Variants in BTN3A3 observed in about 807,000 individuals in gnomAD.
The protein encoded by BTN3A3 is butyrophilin subfamily 3 member A3.
A neutral mutation model predicts 43.2 loss-of-function variants in BTN3A3; 39 were observed. That is an observed-to-expected ratio of 0.90 (90% CI 0.70 to 1.18). The LOEUF is 1.18. Ranked by LOEUF, BTN3A3 falls within the 50% of genes most tolerant of loss-of-function variation. The pLI is 0.00. For synonymous variants in BTN3A3, 255 were observed against 272.7 expected (o/e 0.93, Z 0.64); for missense variants, 631 against 722.8 (o/e 0.87, Z 1.46).
At chr6:26,450,060 G>C (rs553434795) in intron 9 of BTN3A3, 47 bp from the exon 10 acceptor site, 2 of 1,597,330 alleles carry the variant, frequency 1.3e-6, no homozygotes, top group African/African-American at 1.3e-5. Context: ...GTGGAGAAAA[G>C]AACAAAAATA....
rs1353732292 is a variant in BTN3A3, at chr6:26,448,359, A to G, written c.827A>G (p.Glu276Gly). The G allele has an allele frequency of 1.2e-6, 2 of 1,613,930 alleles. No individual in the cohort carries two copies. The highest frequency in any genetic ancestry group is 1.3e-5 in the African/African-American group (1 of 74,956). ...ASYFLWRQQK[E>G]KIALSRETER... The stretch of plus-strand genomic sequence containing the variant: ...TACTTCTTGTGGAGACAACAGAAGG[A>G]AAAAATTGCTCTGTCCAGGGAGACA... Residue 276 changes from glutamate to glycine, a missense_variant, in exon 6 of 11, where the codon GAA (glutamate) becomes GGA (glycine). Coordinates refer to ENST00000244519, the MANE Select transcript of BTN3A3 (RefSeq NM_006994.5).
rs1056290884 is a variant in BTN3A3 at position 26,449,681 on chromosome 6, C to T, written c.984C>T (p.Ala328=). The T allele has an allele frequency of 3.7e-6, 6 of 1,614,204 alleles. No individual in the cohort carries two copies. In the Admixed American group the frequency reaches 6.7e-5, roughly 18 times the overall value. The stretch of plus-strand genomic sequence containing the variant: ...TTGTAGGTGGAGAGAAGTCTTTGGC[C>T]TATCATGGTGAGTGAGCCTGATGCT... The part of the protein sequence containing the change: ...QYMARGEKSL[A]YHEWKMALFK... Residue 328 remains alanine (A), a synonymous_variant, in exon 9 of 11, where the codon GCC becomes GCT. Transcript: ENST00000244519.
At chr6:26,449,986 A>C (rs1762885796) in intron 9 of BTN3A3, 121 bp from the exon 10 acceptor site, 1 of 1,197,534 alleles carries the variant, frequency 8.4e-7, no homozygotes, top group African/African-American at 1.5e-5. Context: ...TAGAGGAAGG[A>C]AGCTGAAGCC....
At position 26,448,457 on chromosome 6, in the gene BTN3A3, C is replaced by A. The variant is rs771985410; in HGVS notation, c.916+9C>A. The A allele has an allele frequency of 1.2e-6, 2 of 1,611,434 alleles. No individual in the cohort carries two copies. Among genetic ancestry groups the A allele is most frequent in the Non-Finnish European group, 8.5e-7 (1 of 1,178,668 alleles). ...AGAAATAAGCCTAAGAGGTATCCAA[C>A]GCAAGCAGAGAATCTAAGCCCCTGG... On this transcript the variant is annotated intron_variant, in intron 6 of 10. Transcript: ENST00000244519.
chr6:26,452,169 G>A lies in BTN3A3; in HGVS notation c.1513G>A (p.Glu505Lys), dbSNP rs757109879. The A allele has an allele frequency of 1.2e-6, 2 of 1,614,014 alleles. No individual in the cohort carries two copies. Among genetic ancestry groups the A allele is most frequent in the Non-Finnish European group, 8.5e-7 (1 of 1,180,006 alleles). Residue 505 changes from glutamate to lysine, a missense_variant, in exon 11 of 11, where the codon GAG (glutamate) becomes AAG (lysine). Around this residue, in one of 2 missense-constraint regions of BTN3A3, gnomAD observed 551 missense variants for 584.0 expected, o/e 0.94. Transcript: ENST00000244519. The part of the protein sequence containing the change: ...LYPVFRILTL[E>K]PTALTICPIP... ...TCCTGTTTTCAGAATTTTGACCTTG[G>A]AGCCCACTGCCCTGACCATTTGCCC...
chr6:26,445,763 G>C lies in BTN3A3; in HGVS notation c.493G>C (p.Glu165Gln), dbSNP rs1224372412. The change falls in exon 5 of 11, where the codon GAG becomes CAG. Residue 165 changes from glutamate to glutamine, a missense_variant. Physicochemically the swap from Glu to Gln is conservative, Grantham distance 29. Transcript: ENST00000244519. ...TTATGAGGATGGAGGGATCCATCTG[G>C]AGTGCAGGTCCACTGGCTGGTACCC... is the stretch of plus-strand genomic sequence containing the variant. ...KGYEDGGIHL[E>Q]CRSTGWYPQP... 6.2e-7 allele frequency: 1 copy of C among 1,614,186 alleles called. No individual in the cohort carries two copies. The highest frequency in any genetic ancestry group is 8.5e-7 in the Non-Finnish European group (1 of 1,180,026).
Position 26,443,978 on chromosome 6 carries a change from C to T in BTN3A3, c.107C>T (p.Pro36Leu). The T allele has an allele frequency of 6.2e-7, 1 of 1,613,878 alleles. No homozygotes were observed. The highest frequency in any genetic ancestry group is 8.5e-7 in the Non-Finnish European group (1 of 1,179,828). Residue 36 changes from proline to leucine, a missense_variant, in exon 4 of 11, where the codon CCC (proline) becomes CTC (leucine). This residue lies in a region of BTN3A3 where 80 missense variants were observed against 138.7 expected (regional missense o/e 0.58). Coordinates refer to ENST00000244519, the MANE Select transcript of BTN3A3 (RefSeq NM_006994.5). ...ACAGCTCAGTTTTCTGTGCTTGGAC[C>T]CTCTGGGCCCATCCTGGCCATGGTG... ...PCSAQFSVLG[P>L]SGPILAMVGE... is the part of the protein sequence containing the mutation.
At position 26,443,644 on chromosome 6, in the gene BTN3A3, C is replaced by T; in HGVS notation, c.70C>T (p.Leu24Phe). ...TGTCTCCCTCTTCTTGGTCCAGCTG[C>T]TCACTCCTTGCTCAGGTAGGGAATG... ...FHVSLFLVQL[L>F]TPCSAQFSVL... The change falls in exon 3 of 11, where the codon CTC becomes TTC. Residue 24 changes from leucine to phenylalanine, a missense_variant. This residue lies in a region of BTN3A3 where 80 missense variants were observed against 138.7 expected (regional missense o/e 0.58). Coordinates refer to ENST00000244519, the MANE Select transcript of BTN3A3 (RefSeq NM_006994.5). 6.2e-7 allele frequency: 1 copy of T among 1,614,220 alleles called. No individual in the cohort carries two copies. The highest frequency in any genetic ancestry group is 1.1e-5 in the South Asian group (1 of 91,088).
rs769944320 is a variant in BTN3A3, at chr6:26,446,122, C to T, written c.715+137C>T. On this transcript the variant is annotated intron_variant, in intron 5 of 10. Transcript: ENST00000244519. ...ATGCATGTAAGGCTCAAAGCAGGGA[C>T]CTGAAGGCTACTCACTGCTTTAGGG... 5 of 1,398,780 alleles carry T rather than the reference C, an allele frequency of 3.6e-6. No individual in the cohort carries two copies. The Admixed American group carries it at 6.8e-5, about 19-fold the overall frequency. The allele number at this position is 1,398,780 out of a possible 1,614,324, so 86.6% of individuals were successfully genotyped here.
Position 26,451,797 on chromosome 6 carries a change from C to T in BTN3A3, c.1141C>T (p.Arg381Cys), listed in dbSNP as rs200026955. ...LPDNPERFEW[R>C]YCVLGCENFT... ...AGACAACCCTGAGAGATTTGAATGG[C>T]GTTACTGTGTCCTTGGCTGTGAAAA... Residue 381 changes from arginine (R) to cysteine (C), a missense_variant, in exon 11 of 11, where the codon CGT becomes TGT. Arg to Cys is a radical substitution (Grantham distance 180, BLOSUM62 -3). This residue lies in a region of BTN3A3 where 551 missense variants were observed against 584.0 expected (regional missense o/e 0.94). Coordinates refer to ENST00000244519, the MANE Select transcript of BTN3A3 (RefSeq NM_006994.5). The T allele has an allele frequency of 1.3e-4, 204 of 1,613,990 alleles. No homozygotes were observed. In the Admixed American group the frequency reaches 1.5e-3, roughly 12 times the overall value.
chr6:26,447,741 G>A (rs1284999441), intron 5 of BTN3A3, among the ~76,000 whole-genome samples: 1 of 152,006 alleles, frequency 6.6e-6, no homozygotes, highest in Non-Finnish European at 1.5e-5. Flanking sequence ...TATAGATTAG[G>A]CCACTACAAA....
chr6:26,448,841 G>C (rs1762853726), intron 8 of BTN3A3, 87 bp downstream of exon 8: 4 of 1,548,538 alleles, frequency 2.6e-6, no homozygotes, highest in East Asian at 2.2e-5. Flanking sequence ...ATAAGTCTTT[G>C]CCCAGGGTTG....
At position 26,448,629 on chromosome 6, in the gene BTN3A3, A is replaced by C; in HGVS notation, c.929A>C (p.Glu310Ala). 3 of 1,613,808 alleles carry C rather than the reference A, an allele frequency of 1.9e-6. No homozygotes were observed. Among genetic ancestry groups the C allele is most frequent in the Non-Finnish European group, 2.5e-6 (3 of 1,179,968 alleles). ...QEISLREKLQ[E>A]ELKWRKIQYM... ...GCTTATTTTCCAGAGAAGCTCCAGG[A>C]GGAACTCAGTAAGTTCCCATTCCCC... The change falls in exon 7 of 11, where the codon GAG becomes GCG. Residue 310 changes from glutamate to alanine, a missense_variant. Glu to Ala is a moderately radical substitution (Grantham distance 107, BLOSUM62 -1). Transcript: ENST00000244519.
At chr6:26,444,860 G>C (rs1317041616) in intron 4 of BTN3A3, 1 of 192,236 alleles carries the variant, frequency 5.2e-6, no homozygotes, top group Non-Finnish European at 1.1e-5. Flanking sequence ...TTGGGCTTGT[G>C]TTAGGGGATT....
intron 4 of BTN3A3, chr6:26,444,515 A>C: frequency 1.3e-6 from 1 of 748,900 alleles, no homozygotes; most frequent in Non-Finnish European, 2.1e-6. Context: ...GAAGTAAACA[A>C]CTCCCTCCCT....
In BTN3A3 at chr6:26,451,802, C is replaced by G; in HGVS notation, c.1146C>G (p.Tyr382Ter). The G allele has an allele frequency of 6.2e-7, 1 of 1,614,042 alleles. No homozygotes were observed. The highest frequency in any genetic ancestry group is 8.5e-7 in the Non-Finnish European group (1 of 1,179,912). ...ACCCTGAGAGATTTGAATGGCGTTA[C>G]TGTGTCCTTGGCTGTGAAAACTTCA... is the stretch of plus-strand genomic sequence containing the variant. Reference protein sequence around the residue: ...PDNPERFEWRYCVLGCENFTS... With the variant: ...PDNPERFEWR Residue 382 changes from tyrosine to a stop codon, truncating the protein, a stop_gained, in exon 11 of 11, where the codon TAC becomes TAG. Coordinates refer to ENST00000244519, the MANE Select transcript of BTN3A3 (RefSeq NM_006994.5). LOFTEE classifies it low-confidence loss of function (END_TRUNC).
intron 5 of BTN3A3, among the ~76,000 whole-genome samples, chr6:26,447,751 A>T (rs781206672): frequency 6.6e-6 from 1 of 152,150 alleles, no homozygotes; most frequent in Non-Finnish European, 1.5e-5. Flanking sequence ...GCCACTACAA[A>T]CAGAGAGGTT....
Position 26,444,056 on chromosome 6 carries a change from C to T in BTN3A3, c.185C>T (p.Thr62Ile). ...CHLFPTMSAE[T>I]MELRWVSSSL... ...CTGTTCCCGACCATGAGTGCAGAGA[C>T]CATGGAGCTGAGGTGGGTGAGTTCC... Residue 62 changes from threonine (T) to isoleucine (I), a missense_variant, in exon 4 of 11, where the codon ACC becomes ATC. Transcript: ENST00000244519. The T allele has an allele frequency of 6.2e-7, 1 of 1,613,894 alleles. No individual in the cohort carries two copies. The highest frequency in any genetic ancestry group is 8.5e-7 in the Non-Finnish European group (1 of 1,179,852).
Position 26,452,197 on chromosome 6 carries a change from T to C in BTN3A3, c.1541T>C (p.Ile514Thr), listed in dbSNP as rs1762951031. Residue 514 changes from isoleucine to threonine, a missense_variant, in exon 11 of 11, where the codon ATA becomes ACA. Ile to Thr is a moderately conservative substitution (Grantham distance 89, BLOSUM62 -1). Coordinates refer to ENST00000244519, the MANE Select transcript of BTN3A3 (RefSeq NM_006994.5). Reference sequence around the variant, plus strand: ...CCCACTGCCCTGACCATTTGCCCAATACCAAAAGAAGTAGAGAGTTCCCCC... The same window carrying C: ...CCCACTGCCCTGACCATTTGCCCAACACCAAAAGAAGTAGAGAGTTCCCCC... ...LEPTALTICP[I>T]PKEVESSPDP... 1.9e-6 allele frequency: 3 copies of C among 1,614,120 alleles called. No homozygotes were observed. The highest frequency in any genetic ancestry group is 2.5e-6 in the Non-Finnish European group (3 of 1,180,008).
Sources: gnomAD v4.1 joint callset for allele counts (sites outside exome capture counted in the v4.1 genomes callset) on GRCh38, gnomAD v4.1.1 for gene constraint, gnomAD v4.1.1 regional missense constraint, MANE v1.5 for transcripts, NCBI Gene and HGNC (gene_info 2026-07-23, HGNC 2026-07-21) for gene names.